Variants in HHATL observed in about 807,000 individuals in gnomAD.
HHATL encodes hedgehog acyltransferase like, also known as protein-cysteine N-palmitoyltransferase HHAT-like protein.
In HHATL, 49 loss-of-function variants were observed where a neutral mutation model predicts 59.7. The observed-to-expected ratio is 0.82, with a 90% confidence interval of 0.65 to 1.04. The LOEUF (loss-of-function observed/expected upper bound fraction) is 1.04, where lower values mean the gene tolerates loss of function less well. Among genes scored for constraint, HHATL ranks in the 50% least tolerant of loss-of-function variants. The pLI is 0.00. For missense variants in HHATL, 605 were observed against 650.8 expected (o/e 0.93, Z 0.77); for synonymous variants, 238 against 257.3 (o/e 0.93, Z 0.72).
chr3:42,697,781 T>G, intron 6 of HHATL, 102 bp from the exon 7 acceptor site: 1 of 1,252,114 alleles, frequency 8.0e-7, no homozygotes, highest in Non-Finnish European at 1.1e-6. Context: ...AGCCATGGCT[T>G]TATCCAGGAG....
At chr3:42,698,425 T>C (rs751439585) in intron 5 of HHATL, 74 bp from the exon 6 acceptor site, 7 of 1,410,688 alleles carry the variant, frequency 5.0e-6, no homozygotes, top group Non-Finnish European at 4.9e-6. Flanking sequence ...CCCCACTCCC[T>C]AGCTTCCCAC....
intron 9 of HHATL, chr3:42,694,116 C>A: frequency 2.3e-6 from 1 of 429,636 alleles, no homozygotes; most frequent in Non-Finnish European, 4.3e-6. Context: ...AGCCCAGTCT[C>A]TCCTGATTTG....
In HHATL at chr3:42,698,819, A is replaced by G; in HGVS notation, c.372T>C (p.Gly124=). 6.2e-7 allele frequency: 1 copy of G among 1,613,972 alleles called. No individual in the cohort carries two copies. The highest frequency in any genetic ancestry group is 8.5e-7 in the Non-Finnish European group (1 of 1,179,948). Residue 124 remains glycine (G), a synonymous_variant, in exon 5 of 12, where the codon GGT becomes GGC. Transcript: ENST00000441594. The part of the protein sequence containing the change: ...MGPWYLLLLL[G]HCVGLYVASL... ...AGGCCACATAGAGGCCCACACAGTGACCAAGCAGCAGCAGCAGGTACCAAG... is the reference window on the plus strand; with the variant it reads ...AGGCCACATAGAGGCCCACACAGTGGCCAAGCAGCAGCAGCAGGTACCAAG...
intron 1 of HHATL, among the ~76,000 whole-genome samples, chr3:42,702,084 C>G (rs1266492914): frequency 2.0e-5 from 3 of 152,200 alleles, no homozygotes; most frequent in Admixed American, 1.3e-4. Context: ...TCTCAGTGAC[C>G]CCCCTCTGGA....
chr3:42,692,753 A>C lies in HHATL; in HGVS notation c.1513T>G (p.Ter505GluextTer22). ...EQKQDKEKPE[*>E] is the part of the protein sequence containing the mutation. ...CCCATCCCTCTACCCGCTCCCTCCT[A>C]CTCCGGCTTCTCTTTGTCCTGCTTC... Residue 505 changes from the stop codon to glutamate (E), a stop_lost, in exon 12 of 12, where the codon TAG (stop) becomes GAG (glutamate). Transcript: ENST00000441594. 1 of 1,613,642 alleles carries C rather than the reference A, an allele frequency of 6.2e-7. No individual in the cohort carries two copies. The highest frequency in any genetic ancestry group is 8.5e-7 in the Non-Finnish European group (1 of 1,179,864).
chr3:42,693,602 G>A lies in HHATL; in HGVS notation c.1248+15C>T. 1 of 1,611,960 alleles carries A rather than the reference G, an allele frequency of 6.2e-7. No individual in the cohort carries two copies. The highest frequency in any genetic ancestry group is 8.5e-7 in the Non-Finnish European group (1 of 1,178,512). On this transcript the variant is annotated intron_variant, in intron 10 of 11. Coordinates refer to ENST00000441594, the MANE Select transcript of HHATL (RefSeq NM_020707.4). ...ATGACCCAGCCAGTCCCAGCCCCAG[G>A]TCTTCCCTGCTCACCTCAATTCGTG...
rs1698013642 is a variant in HHATL, at chr3:42,701,962, CG to C, written c.-14+616del. ...CTCCCCTGGGCCCCCCAGCAGCCGA[CG>C]GTCTCCTCGTACAGATGGAGGGGTC... On this transcript the variant is annotated intron_variant, in intron 1 of 11. Transcript: ENST00000441594. The surrounding 1 kb of genome is among the most constrained non-coding windows in gnomAD (Gnocchi z 5.1). Among the ~76,000 whole-genome samples, 1 of 152,188 alleles carries C rather than the reference CG, an allele frequency of 6.6e-6. No individual in the cohort carries two copies.
intron 10 of HHATL, 24 bp from the exon 11 acceptor site, chr3:42,693,242 G>A: frequency 3.1e-6 from 5 of 1,611,628 alleles, no homozygotes; most frequent in Middle Eastern, 1.7e-4. Context: ...GAAAGCATGG[G>A]CAGCGGGACA....
chr3:42,700,739 G>A lies in HHATL; in HGVS notation c.88C>T (p.Leu30Phe), dbSNP rs1257615011. The A allele has an allele frequency of 6.2e-7, 1 of 1,613,144 alleles. No homozygotes were observed. The highest frequency in any genetic ancestry group is 1.1e-5 in the South Asian group (1 of 91,074). The part of the protein sequence containing the change: ...SGALAYAGRG[L>F]LEASQDGAHR... ...CCATTACCTTGTGAAGCCTCAAGGAGGCCCCGGCCAGCATAGGCCAGGGCC... is the reference window on the plus strand; with the variant it reads ...CCATTACCTTGTGAAGCCTCAAGGAAGCCCCGGCCAGCATAGGCCAGGGCC... Residue 30 changes from leucine (L) to phenylalanine (F), a missense_variant, in exon 2 of 12, where the codon CTC becomes TTC. Coordinates refer to ENST00000441594, the MANE Select transcript of HHATL (RefSeq NM_020707.4).
At position 42,693,727 on chromosome 3, in the gene HHATL, G is replaced by A. The variant is rs774299417; in HGVS notation, c.1138C>T (p.Leu380Phe). 36 of 1,614,040 alleles carry A rather than the reference G, an allele frequency of 2.2e-5. No homozygotes were observed. The highest frequency in any genetic ancestry group is 3.0e-5 in the Non-Finnish European group (35 of 1,180,006). ...AGGTAGACAATGTCACAAGGCCCAA[G>A]CCACAGTGTGGTGATGGCAAATGTG... ...VATFAITTLW[L>F]GPCDIVYLWS... is the part of the protein sequence containing the mutation. Residue 380 changes from leucine (L) to phenylalanine (F), a missense_variant, in exon 10 of 12, where the codon CTT becomes TTT. Leu to Phe is a conservative substitution (Grantham distance 22). Coordinates refer to ENST00000441594, the MANE Select transcript of HHATL (RefSeq NM_020707.4).
At chr3:42,700,994 C>T in intron 1 of HHATL, 155 bp from the exon 2 acceptor site, 1 of 601,314 alleles carries the variant, frequency 1.7e-6, no homozygotes. Flanking sequence ...CCCCTGTGCC[C>T]CCCACAGTTC....
chr3:42,700,250 C>G (rs566923336), intron 2 of HHATL, among the ~76,000 whole-genome samples: 47 of 125,014 alleles, frequency 3.8e-4, no homozygotes, highest in South Asian at 1.8e-3. Context: ...AGGTCTCTCT[C>G]TGTGTGTGTG....
chr3:42,700,249 T>G (rs1697889404), intron 2 of HHATL, among the ~76,000 whole-genome samples: 1 of 150,194 alleles, frequency 6.7e-6, no homozygotes, highest in Non-Finnish European at 1.5e-5. Flanking sequence ...CAGGTCTCTC[T>G]CTGTGTGTGT....
intron 5 of HHATL, 25 bp from the exon 6 acceptor site, chr3:42,698,376 C>A: frequency 6.2e-7 from 1 of 1,600,570 alleles, no homozygotes; most frequent in East Asian, 2.2e-5. Flanking sequence ...AACAGGCCAC[C>A]AGCTCACTAG....
In HHATL at chr3:42,701,770, G is replaced by A. The variant is rs1471186153; in HGVS notation, c.-14+809C>T. Among the ~76,000 whole-genome samples, 3 of 152,352 alleles carry A rather than the reference G, an allele frequency of 2.0e-5. No individual in the cohort carries two copies. The highest frequency in any genetic ancestry group is 2.1e-4 in the South Asian group (1 of 4,832). On this transcript the variant is annotated intron_variant, in intron 1 of 11. Transcript: ENST00000441594. The surrounding 1 kb of genome is among the most constrained non-coding windows in gnomAD (Gnocchi z 5.1). Reference sequence around the variant, plus strand: ...TATCCCGCTTCAGCCTGGCTCAGGGGCTTCCCAAGGACTCCATGGATACAG... The same window carrying A: ...TATCCCGCTTCAGCCTGGCTCAGGGACTTCCCAAGGACTCCATGGATACAG...
chr3:42,699,203 A>G, intron 3 of HHATL, 58 bp from the exon 4 acceptor site: 7 of 1,215,924 alleles, frequency 5.8e-6, no homozygotes, highest in Non-Finnish European at 8.6e-6. Context: ...AGGGGACAGG[A>G]CGAGCTGGAA....
intron 9 of HHATL, 99 bp from the exon 10 acceptor site, chr3:42,693,917 C>T (rs910578876): frequency 5.2e-6 from 5 of 966,292 alleles, no homozygotes; most frequent in Non-Finnish European, 8.0e-6. Context: ...AACACTGTCA[C>T]CCTGGGTGCA....
intron 10 of HHATL, 28 bp from the exon 11 acceptor site, chr3:42,693,246 C>A (rs376754935): frequency 6.2e-7 from 1 of 1,610,418 alleles, no homozygotes; most frequent in African/African-American, 1.3e-5. Flanking sequence ...GCATGGGCAG[C>A]GGGACAAGAG....
intron 1 of HHATL, 101 bp downstream of exon 1, chr3:42,702,478 G>C (rs1262602419): frequency 1.3e-5 from 2 of 152,800 alleles, no homozygotes; most frequent in East Asian, 3.9e-4. Context: ...TGCCCCGGGG[G>C]TAAAGCCCCT....
Sources: allele counts gnomAD v4.1 joint callset (sites outside exome capture counted in the v4.1 genomes callset), GRCh38; gene constraint gnomAD v4.1.1; non-coding constraint Gnocchi (gnomAD v3.1); transcripts MANE v1.5; gene names NCBI Gene and HGNC (gene_info 2026-07-23, HGNC 2026-07-21).